Variants in NOA1 observed in about 807,000 individuals in gnomAD.
The protein encoded by NOA1 is nitric oxide associated 1.
A neutral mutation model predicts 58.4 loss-of-function variants in NOA1; 35 were observed. The observed-to-expected ratio is 0.60, with a 90% CI of 0.46 to 0.79. The LOEUF (loss-of-function observed/expected upper bound fraction) is 0.79. Among genes scored for constraint, NOA1 ranks in the 30% least tolerant of loss-of-function variants. The probability of loss-of-function intolerance (pLI) is 0.00; values close to 1 mark genes in which losing one functional copy is unlikely to be tolerated. For synonymous variants in NOA1, 397 were observed against 373.4 expected (o/e 1.06, Z -0.73); for missense variants, 895 against 894.6 (o/e 1.00, Z -0.01).
Position 56,973,179 on chromosome 4 carries a change from T to A in NOA1, c.1484A>T (p.Tyr495Phe), listed in dbSNP as rs758047720. The A allele has an allele frequency of 8.7e-6, 14 of 1,614,128 alleles. No homozygotes were observed. In the East Asian group the frequency reaches 2.9e-4, roughly 33 times the overall value. ...AQDVKDAHWFYDTPGITKENC... is the reference protein window; with the variant it reads ...AQDVKDAHWFFDTPGITKENC... ...TTCTTTTGTAATTCCAGGGGTGTCA[T>A]AAAACCAGTGGGCATCTTTCACATC... Residue 495 changes from tyrosine to phenylalanine, a missense_variant, in exon 3 of 7, where the codon TAT becomes TTT. Physicochemically the swap from Tyr to Phe is conservative, Grantham distance 22. Around this residue, in one of 3 missense-constraint regions of NOA1, gnomAD observed 680 missense variants for 656.5 expected, o/e 1.04. Coordinates refer to ENST00000264230, the MANE Select transcript of NOA1 (RefSeq NM_032313.4).
rs1296562073 is a variant in NOA1 at position 56,977,334 on chromosome 4, T to C, written c.252A>G (p.Gln84=). The change falls in exon 1 of 7, where the codon CAA becomes CAG. Residue 84 remains glutamine, a synonymous_variant. Transcript: ENST00000264230. ...CCTGCAGCTGCTTTTCGCGGGTGGG[T>C]TGCGGCTCCGGATCCAGGATGTACT... ...FPEYILDPEP[Q]PTREKQLQEL... The C allele has an allele frequency of 1.3e-5, 21 of 1,614,152 alleles. No homozygotes were observed. Among genetic ancestry groups the C allele is most frequent in the East Asian group, 2.2e-5 (1 of 44,870 alleles).
chr4:56,974,212 C>T (rs1436738175), intron 1 of NOA1, among the ~76,000 whole-genome samples, 190 bp from the exon 2 acceptor site: 1 of 152,024 alleles, frequency 6.6e-6, no homozygotes, highest in East Asian at 1.9e-4. Flanking sequence ...ATCTGTAGGC[C>T]CGATTTCTTT....
At position 56,963,541 on chromosome 4, in the gene NOA1, T is replaced by C. The variant is rs1721645809; in HGVS notation, c.2006A>G (p.Gln669Arg). Residue 669 changes from glutamine (Q) to arginine (R), a missense_variant, in exon 7 of 7, where the codon CAG becomes CGG. Coordinates refer to ENST00000264230, the MANE Select transcript of NOA1 (RefSeq NM_032313.4). Reference sequence around the variant, plus strand: ...ATAGGCCACACTTTTCTTGATGCGCTGTCCTTTGATGTTAACAATATATGG... The same window carrying C: ...ATAGGCCACACTTTTCTTGATGCGCCGTCCTTTGATGTTAACAATATATGG... ...LLPYIVNIKGQRIKKSVAYKT... is the reference protein window; with the variant it reads ...LLPYIVNIKGRRIKKSVAYKT... 6.2e-7 allele frequency: 1 copy of C among 1,613,826 alleles called. No homozygotes were observed. The highest frequency in any genetic ancestry group is 1.3e-5 in the African/African-American group (1 of 74,896).
chr4:56,964,551 C>A, intron 5 of NOA1, 25 bp from the exon 6 acceptor site: 1 of 1,608,306 alleles, frequency 6.2e-7, no homozygotes, highest in Non-Finnish European at 8.5e-7. Context: ...AAGATATTTA[C>A]AAGTTCAAAT....
intron 3 of NOA1, among the ~76,000 whole-genome samples, chr4:56,972,168 G>A (rs1721822608): frequency 6.6e-6 from 1 of 152,232 alleles, no homozygotes; most frequent in Admixed American, 6.5e-5. Flanking sequence ...TTACAGGCGT[G>A]AGCCACTGCG....
At chr4:56,976,364 G>A (rs921055164) in intron 1 of NOA1, 78 bp downstream of exon 1, 1 of 1,274,002 alleles carries the variant, frequency 7.8e-7, no homozygotes, top group African/African-American at 1.5e-5. Flanking sequence ...CATTAAGGGA[G>A]GATGTACTCG....
Position 56,968,380 on chromosome 4 carries a change from T to C in NOA1, c.1647+4A>G. 1.2e-6 allele frequency: 2 copies of C among 1,607,670 alleles called. No homozygotes were observed. Among genetic ancestry groups the C allele is most frequent in the Non-Finnish European group, 8.5e-7 (1 of 1,178,758 alleles). On this transcript the variant is annotated splice_donor_region_variant and intron_variant, in intron 4 of 6. Coordinates refer to ENST00000264230, the MANE Select transcript of NOA1 (RefSeq NM_032313.4). ...CATTTTTTAATAGTACAGACTTTTC[T>C]TACCTGCAGGAAATCTATGCGGCCT...
At chr4:56,965,683 T>C (rs1166805617) in intron 5 of NOA1, among the ~76,000 whole-genome samples, 1 of 140,744 alleles carries the variant, frequency 7.1e-6, no homozygotes, top group Non-Finnish European at 1.5e-5. Context: ...AGCTTAATTG[T>C]CCAAAGTATG....
At position 56,972,608 on chromosome 4, in the gene NOA1, TG is replaced by T; in HGVS notation, c.1515+539del. On this transcript the variant is annotated intron_variant, in intron 3 of 6. Transcript: ENST00000264230. ...GAAGGTGACATGACAGTTTCAGCTTTGGTGAGTCACTCCTTTCAGTTCAAGA... is the reference window on the plus strand; with the variant it reads ...GAAGGTGACATGACAGTTTCAGCTTTGTGAGTCACTCCTTTCAGTTCAAGA... Among the ~76,000 whole-genome samples the T allele has an allele frequency of 1.3e-5, 2 of 152,276 alleles. 1 individual carries two copies. Among genetic ancestry groups the T allele is most frequent in the South Asian group, 4.1e-4 (2 of 4,828 alleles).
intron 4 of NOA1, among the ~76,000 whole-genome samples, chr4:56,967,156 T>C (rs190141919): frequency 1.4e-3 from 210 of 151,762 alleles, no homozygotes; most frequent in African/African-American, 3.8e-3. Flanking sequence ...CCGAGGTGGG[T>C]GAATCCCTTG....
At chr4:56,974,701 C>T (rs377154523) in intron 1 of NOA1, among the ~76,000 whole-genome samples, 4 of 151,552 alleles carry the variant, frequency 2.6e-5, no homozygotes, top group African/African-American at 9.7e-5. Context: ...TTTCTAATTA[C>T]AGAAGTTTGT....
At chr4:56,969,991 C>T (rs533323198) in intron 3 of NOA1, among the ~76,000 whole-genome samples, 1 of 152,120 alleles carries the variant, frequency 6.6e-6, no homozygotes, top group South Asian at 2.1e-4. Context: ...GTCATGTTGG[C>T]CAGGCTGGTC....
At chr4:56,966,239 C>G (rs1453205944) in intron 5 of NOA1, among the ~76,000 whole-genome samples, 1 of 152,016 alleles carries the variant, frequency 6.6e-6, no homozygotes, top group Non-Finnish European at 1.5e-5. Context: ...CTTGGCCAGG[C>G]TGGTCTTGAA....
Position 56,964,448 on chromosome 4 carries a change from C to G in NOA1, c.1843G>C (p.Gly615Arg). 6.2e-7 allele frequency: 1 copy of G among 1,614,130 alleles called. No individual in the cohort carries two copies. Among genetic ancestry groups the G allele is most frequent in the Non-Finnish European group, 8.5e-7 (1 of 1,180,024 alleles). ...ATGTCGGCCACTGCTTCAGATGCCC[C>G]CAGTCCTTCTTTTAACATAATGTCT... ...AEDIMLKEGL[G>R]ASEAVADIKF... Residue 615 changes from glycine (G) to arginine (R), a missense_variant, in exon 6 of 7, where the codon GGG (glycine) becomes CGG (arginine). This residue lies in a region of NOA1 where 212 missense variants were observed against 221.3 expected (regional missense o/e 0.96). Transcript: ENST00000264230.
intron 3 of NOA1, among the ~76,000 whole-genome samples, chr4:56,972,484 G>C (rs554375652): frequency 6.6e-6 from 1 of 152,330 alleles, no homozygotes; most frequent in East Asian, 1.9e-4. Context: ...CTTAGTCCCA[G>C]ATGGCTTTGG....
intron 1 of NOA1, among the ~76,000 whole-genome samples, chr4:56,976,167 C>G (rs1003270368): frequency 4.6e-5 from 7 of 152,234 alleles, no homozygotes; most frequent in African/African-American, 1.7e-4. Context: ...AGGAACTTTG[C>G]TTTGTTCCCT....
chr4:56,971,748 G>C (rs916438165), intron 3 of NOA1, among the ~76,000 whole-genome samples: 2 of 152,136 alleles, frequency 1.3e-5, no homozygotes, highest in African/African-American at 2.4e-5. Flanking sequence ...AAAGTAATGA[G>C]ATTGAATGAA....
chr4:56,967,800 T>C (rs1244431465), intron 4 of NOA1, among the ~76,000 whole-genome samples: 1 of 152,148 alleles, frequency 6.6e-6, no homozygotes, highest in Non-Finnish European at 1.5e-5. Context: ...TCCCATAGAA[T>C]AGGGATAGTA....
intron 3 of NOA1, among the ~76,000 whole-genome samples, chr4:56,970,545 C>T (rs1721793618): frequency 6.6e-6 from 1 of 151,690 alleles, no homozygotes; most frequent in South Asian, 2.1e-4. Flanking sequence ...ACCTCTGCCT[C>T]CCAATAAGTG....
Sources: allele counts gnomAD v4.1 joint callset (sites outside exome capture counted in the v4.1 genomes callset), GRCh38; gene constraint gnomAD v4.1.1; regional missense constraint gnomAD v4.1.1; transcripts MANE v1.5; gene names NCBI Gene and HGNC (gene_info 2026-07-23, HGNC 2026-07-21).